Variants in PHAF1 observed in about 807,000 individuals in gnomAD.
PHAF1 encodes the protein phagophore assembly factor 1.
Under a neutral mutation model 63.1 loss-of-function variants are expected in PHAF1, and 23 were observed. The observed-to-expected ratio is 0.36, with a 90% CI of 0.26 to 0.52. PHAF1 has a LOEUF of 0.52. Ranked by LOEUF, PHAF1 falls within the 20% of genes least tolerant of loss-of-function variation. The probability of loss-of-function intolerance (pLI) is 0.93; values close to 1 mark genes in which losing one functional copy is unlikely to be tolerated. For synonymous variants in PHAF1, 167 were observed against 185.0 expected, an observed-to-expected ratio of 0.90 and a Z score of 0.79; for missense variants, 427 against 517.2, an observed-to-expected ratio of 0.83 and a Z score of 1.69.
chr16:67,121,395 G>A (rs1420580228), intron 2 of PHAF1, among the ~76,000 whole-genome samples: 2 of 146,190 alleles, frequency 1.4e-5, no homozygotes, highest in South Asian at 2.2e-4. Context: ...GTAGAGACAG[G>A]TTTTCACCCC....
At chr16:67,134,661 T>C (rs563285516) in intron 8 of PHAF1, 194 bp downstream of exon 8, 1 of 681,608 alleles carries the variant, frequency 1.5e-6, no homozygotes, top group Non-Finnish European at 2.7e-6. Context: ...ATCAAGGCAC[T>C]GGCAGATTCA....
At chr16:67,129,174 G>C (rs1963300427) in intron 3 of PHAF1, among the ~76,000 whole-genome samples, 1 of 152,226 alleles carries the variant, frequency 6.6e-6, no homozygotes, top group African/African-American at 2.4e-5. Context: ...GCTATCTTCT[G>C]AATCATAGCT....
Position 67,110,191 on chromosome 16 carries a change from G to C in PHAF1, c.16G>C (p.Val6Leu), listed in dbSNP as rs1370011711. 6.4e-7 allele frequency: 1 copy of C among 1,552,682 alleles called. No homozygotes were observed. Residue 6 changes from valine to leucine, a missense_variant, in exon 1 of 16, where the codon GTA (valine) becomes CTA (leucine). Coordinates refer to ENST00000219139, the MANE Select transcript of PHAF1 (RefSeq NM_025187.5). MLDLE[V>L]VPERSLGNEQ... ...AGCCGAACCAATGCTGGACCTGGAGGTAGTGCCCGAACGCTCTCTGGGGAA... is the reference window on the plus strand; with the variant it reads ...AGCCGAACCAATGCTGGACCTGGAGCTAGTGCCCGAACGCTCTCTGGGGAA...
intron 11 of PHAF1, among the ~76,000 whole-genome samples, chr16:67,144,586 G>A (rs1248821686): frequency 3.3e-5 from 5 of 152,174 alleles, no homozygotes; most frequent in African/African-American, 1.2e-4. Flanking sequence ...TTACAAATAG[G>A]GAAATAAGTT....
At chr16:67,110,621 T>G (rs1026968133) in intron 1 of PHAF1, among the ~76,000 whole-genome samples, 1 of 152,214 alleles carries the variant, frequency 6.6e-6, no homozygotes, top group African/African-American at 2.4e-5. Context: ...AAATAATGGC[T>G]GAGAAGTGGC....
chr16:67,114,036 C>A (rs1962641005), intron 1 of PHAF1, among the ~76,000 whole-genome samples: 1 of 152,050 alleles, frequency 6.6e-6, no homozygotes, highest in African/African-American at 2.4e-5. Flanking sequence ...TGTATTGATG[C>A]AGAGGCAAGT....
intron 3 of PHAF1, among the ~76,000 whole-genome samples, chr16:67,126,886 C>A (rs1217979601): frequency 7.0e-6 from 1 of 142,956 alleles, no homozygotes; most frequent in African/African-American, 2.6e-5. Flanking sequence ...CCATGACCAG[C>A]CCAGTCTTTT....
rs566827989 is a variant in PHAF1, at chr16:67,145,591, C to G, written c.1072C>G (p.Leu358Val). The change falls in exon 14 of 16, where the codon CTG becomes GTG. Residue 358 changes from leucine (L) to valine (V), a missense_variant. Coordinates refer to ENST00000219139, the MANE Select transcript of PHAF1 (RefSeq NM_025187.5). ...GCAGTGGGACAACATCCAGGAGCTC[C>G]TGGGCCACCCTGTGGAGAAGCCTGT... ...YSKWDNIQEL[L>V]GHPVEKPVVL... 1.9e-6 allele frequency: 3 copies of G among 1,614,070 alleles called. No individual in the cohort carries two copies. The South Asian group carries it at 3.3e-5, about 18-fold the overall frequency.
At chr16:67,125,199 C>T (rs1375428959) in intron 2 of PHAF1, among the ~76,000 whole-genome samples, 1 of 152,144 alleles carries the variant, frequency 6.6e-6, no homozygotes, top group African/African-American at 2.4e-5. Flanking sequence ...GAAACCAGAG[C>T]TCAGAGAAGT....
chr16:67,122,764 C>T (rs961699463), intron 2 of PHAF1, among the ~76,000 whole-genome samples: 2 of 152,026 alleles, frequency 1.3e-5, no homozygotes, highest in South Asian at 2.1e-4. Context: ...AGTCTTGCTC[C>T]GTCACCCAGG....
At chr16:67,137,094 G>A (rs570968116) in intron 8 of PHAF1, among the ~76,000 whole-genome samples, 1 of 151,962 alleles carries the variant, frequency 6.6e-6, no homozygotes, top group South Asian at 2.1e-4. Context: ...GGTGGAGCTT[G>A]CAGTGAGCCG....
intron 3 of PHAF1, among the ~76,000 whole-genome samples, chr16:67,127,343 C>T (rs539615440): frequency 2.0e-5 from 3 of 152,276 alleles, no homozygotes; most frequent in African/African-American, 7.2e-5. Context: ...GGGTACTTAC[C>T]AGTTCTCATC....
At chr16:67,139,891 T>G in intron 8 of PHAF1, 93 bp from the exon 9 acceptor site, 1 of 1,444,602 alleles carries the variant, frequency 6.9e-7, no homozygotes, top group Non-Finnish European at 9.6e-7. Context: ...GACCTAATAA[T>G]GTAGCATGCA....
chr16:67,147,074 G>T lies in PHAF1; in HGVS notation c.1212G>T (p.Val404=). Residue 404 remains valine, a synonymous_variant, in exon 16 of 16, where the codon GTG becomes GTT. Coordinates refer to ENST00000219139, the MANE Select transcript of PHAF1 (RefSeq NM_025187.5). ...TGCAGAACAACCACATTGCCTCGGT[G>T]ACCCTGTATGGCCCCCCCAGGCCTG... is the stretch of plus-strand genomic sequence containing the variant. ...EVMQNNHIAS[V]TLYGPPRPGS... is the part of the protein sequence containing the mutation. 6.2e-7 allele frequency: 1 copy of T among 1,614,020 alleles called. No homozygotes were observed. Among genetic ancestry groups the T allele is most frequent in the Non-Finnish European group, 8.5e-7 (1 of 1,179,986 alleles).
chr16:67,138,270 C>T (rs1963681169), intron 8 of PHAF1, among the ~76,000 whole-genome samples: 1 of 152,084 alleles, frequency 6.6e-6, no homozygotes, highest in South Asian at 2.1e-4. Context: ...TATAGGTCAC[C>T]CAAGGCTTGC....
At chr16:67,122,551 ACAGAGCAAGACCCTGTCT>A (rs1186159542) in intron 2 of PHAF1, among the ~76,000 whole-genome samples, 1 of 147,900 alleles carries the variant, frequency 6.8e-6, no homozygotes, top group African/African-American at 2.6e-5. Flanking sequence ...AGCCTAGGTG[ACAGAGCAAGACCCTGTCT>A]CAAAAAAAAA....
intron 13 of PHAF1, 44 bp from the exon 14 acceptor site, chr16:67,145,526 T>C: frequency 1.9e-6 from 3 of 1,613,186 alleles, no homozygotes; most frequent in Non-Finnish European, 2.5e-6. Context: ...CACAGACATG[T>C]TCATGTCCCT....
At chr16:67,122,459 C>T (rs1172204235) in intron 2 of PHAF1, among the ~76,000 whole-genome samples, 1 of 151,290 alleles carries the variant, frequency 6.6e-6, no homozygotes, top group African/African-American at 2.4e-5. Context: ...GGAGTGGTGG[C>T]ACACACCTGT....
In PHAF1 at chr16:67,148,284, C is replaced by T. The variant is rs1206419035; in HGVS notation, c.*1153C>T. 6.6e-6 allele frequency: 1 copy of T among 152,626 alleles called. No individual in the cohort carries two copies. Among genetic ancestry groups the T allele is most frequent in the Non-Finnish European group, 1.5e-5 (1 of 68,036 alleles). 9.5% of individuals were successfully genotyped at this position (152,626 alleles called of 1,614,324 possible). ...TGTGCAGGGGACCTGTCTCAGGCTC[C>T]TATATGGTTCCTGGGCCTTATAGCC... is the stretch of plus-strand genomic sequence containing the variant. On this transcript the variant is annotated 3_prime_UTR_variant, in exon 16 of 16. Coordinates refer to ENST00000219139, the MANE Select transcript of PHAF1 (RefSeq NM_025187.5).
Sources: allele counts gnomAD v4.1 joint callset (sites outside exome capture counted in the v4.1 genomes callset), GRCh38; gene constraint gnomAD v4.1.1; transcripts MANE v1.5; gene names NCBI Gene and HGNC (gene_info 2026-07-23, HGNC 2026-07-21).